The following REEP4 variants were observed in gnomAD, a reference collection of about 807,000 sequenced individuals.
REEP4 encodes receptor expression-enhancing protein 4.
REEP4 carries 17 observed loss-of-function variants against 33.5 expected under a neutral mutation model. The observed-to-expected ratio is 0.51, with a 90% confidence interval of 0.35 to 0.76. REEP4 has a LOEUF of 0.76. REEP4 is among the 30% of genes least tolerant of loss of function. The pLI, the probability that REEP4 is intolerant of heterozygous loss-of-function variation, is 0.01. For synonymous variants in REEP4, 157 were observed against 142.9 expected (o/e 1.10, Z -0.70); for missense variants, 340 against 357.9 (o/e 0.95, Z 0.40).
chr8:22,138,535 C>T lies in REEP4; in HGVS notation c.726G>A (p.Leu242=), dbSNP rs1260213997. 7 of 1,613,830 alleles carry T rather than the reference C, an allele frequency of 4.3e-6. No individual in the cohort carries two copies. The highest frequency in any genetic ancestry group is 5.9e-6 in the Non-Finnish European group (7 of 1,180,034). The stretch of plus-strand genomic sequence containing the variant: ...CAGTCTTTTTCCTCGTCCGAACCTT[C>T]AGGGAGCGCGAGGTGCCCTGGGGAA... ...PPVREGTSRS[L]KVRTRKKTVP... Residue 242 remains leucine (L), a synonymous_variant, in exon 8 of 8, where the codon CTG becomes CTA. Transcript: ENST00000306306.
At position 22,141,740 on chromosome 8, in the gene REEP4, G is replaced by A. The variant is rs1053246528; in HGVS notation, c.-258C>T. ...GGGAGCGGGCGCGCCCCGCGGCCGG[G>A]GCAGTTACAGCTCCCACCCGCCCTT... On this transcript the variant is annotated 5_prime_UTR_variant, in exon 1 of 8. Coordinates refer to ENST00000306306, the MANE Select transcript of REEP4 (RefSeq NM_025232.4). 1.4e-5 allele frequency: 6 copies of A among 417,756 alleles called. No individual in the cohort carries two copies. Among genetic ancestry groups the A allele is most frequent in the African/African-American group, 1.0e-4 (5 of 48,446 alleles). 25.9% of individuals were successfully genotyped at this position (417,756 alleles called of 1,614,324 possible). A position where few individuals can be genotyped will look rare whatever the true frequency, so the allele number is the denominator to read the frequency against.
intron 3 of REEP4, 35 bp from the exon 4 acceptor site, chr8:22,140,118 G>A (rs749009022): frequency 5.0e-6 from 8 of 1,614,048 alleles, no homozygotes; most frequent in Non-Finnish European, 6.8e-6. Flanking sequence ...GAGCCAAGGA[G>A]CAGGGCTGGG....
chr8:22,139,270 C>T, intron 5 of REEP4, 146 bp downstream of exon 5: 1 of 927,994 alleles, frequency 1.1e-6, no homozygotes, highest in Non-Finnish European at 1.7e-6. Flanking sequence ...GACTCCAGCT[C>T]CACGCTTCTG....
Position 22,141,783 on chromosome 8 carries a change from G to A in REEP4, c.-301C>T, listed in dbSNP as rs1415639681. The A allele has an allele frequency of 2.7e-6, 1 of 371,422 alleles. No individual in the cohort carries two copies. Among genetic ancestry groups the A allele is most frequent in the East Asian group, 4.2e-5 (1 of 24,060 alleles). The allele number at this position is 371,422 out of a possible 1,614,324, so 23.0% of individuals were successfully genotyped here. On this transcript the variant is annotated 5_prime_UTR_variant, in exon 1 of 8. Transcript: ENST00000306306. ...CCGCCCTTTCTGCCGCGGAGAACCT[G>A]GCGCTCGGCCCTTGCTGCTGGTCCC...
chr8:22,139,963 C>G lies in REEP4; in HGVS notation c.303G>C (p.Lys101Asn). The change falls in exon 4 of 8, where the codon AAG becomes AAC. Residue 101 changes from lysine (K) to asparagine (N), a missense_variant and splice_region_variant. Physicochemically the swap from Lys to Asn is moderately conservative, Grantham distance 94. Coordinates refer to ENST00000306306, the MANE Select transcript of REEP4 (RefSeq NM_025232.4). ...CCCTTCCCGCTTCCCCCTGGGGTAC[C>G]TTCTCATGGCGGGACAGGGACGGGT... ...FVHPSLSRHE[K>N]EIDAYIVQAK... 2 of 1,587,862 alleles carry G rather than the reference C, an allele frequency of 1.3e-6. No individual in the cohort carries two copies. The highest frequency in any genetic ancestry group is 8.6e-7 in the Non-Finnish European group (1 of 1,166,110).
intron 4 of REEP4, 114 bp downstream of exon 4, chr8:22,139,849 T>C (rs1023760698): frequency 4.6e-6 from 6 of 1,311,940 alleles, no homozygotes; most frequent in South Asian, 2.8e-5. Flanking sequence ...TGCCCCTCAA[T>C]AGCAGCAGGA....
rs1022590081 is a variant in REEP4 at position 22,139,564 on chromosome 8, C to T, written c.304-35G>A. On this transcript the variant is annotated intron_variant, in intron 4 of 7. Transcript: ENST00000306306. ...CAATGGGGAGGAGAGCTCAGGTGGA[C>T]AGCCAGAGTCCCTCTTCCTCTGCAG... 2.0e-6 allele frequency: 3 copies of T among 1,500,950 alleles called. No individual in the cohort carries two copies. In the Admixed American group the frequency reaches 5.4e-5, roughly 27 times the overall value. 93.0% of individuals were successfully genotyped at this position (1,500,950 alleles called of 1,614,324 possible). A position where few individuals can be genotyped will look rare whatever the true frequency, so the allele number is the denominator to read the frequency against.
intron 5 of REEP4, 142 bp from the exon 6 acceptor site, chr8:22,139,203 A>G (rs1210279904): frequency 6.6e-6 from 8 of 1,204,810 alleles, no homozygotes; most frequent in Non-Finnish European, 9.5e-6. Flanking sequence ...AGGAAACCAA[A>G]GTCAGAGAGC....
rs749573650 is a variant in REEP4 at position 22,138,498 on chromosome 8, C to T, written c.763G>A (p.Val255Met). 33 of 1,613,700 alleles carry T rather than the reference C, an allele frequency of 2.0e-5. No individual in the cohort carries two copies. Among genetic ancestry groups the T allele is most frequent in the Middle Eastern group, 1.6e-4 (1 of 6,062 alleles). ...RTRKKTVPSD[V>M]DS Reference sequence around the variant, plus strand: ...AGATGCAGCAGACCCTAGCTGTCCACGTCTGAGGGCACAGTCTTTTTCCTC... The same window carrying T: ...AGATGCAGCAGACCCTAGCTGTCCATGTCTGAGGGCACAGTCTTTTTCCTC... Residue 255 changes from valine to methionine, a missense_variant, in exon 8 of 8, where the codon GTG becomes ATG. Coordinates refer to ENST00000306306, the MANE Select transcript of REEP4 (RefSeq NM_025232.4).
At position 22,138,954 on chromosome 8, in the gene REEP4, G is replaced by A. The variant is rs767591757; in HGVS notation, c.525C>T (p.Asp175=). Reference sequence around the variant, plus strand: ...TGGGTGGCCTCCGGTGGGACACCTGGTCCTCCAGGTAGAGGGGGTCATGGT... The same window carrying A: ...TGGGTGGCCTCCGGTGGGACACCTGATCCTCCAGGTAGAGGGGGTCATGGT... ...PAYHDPLYLE[D]QVSHRRPPIG... The change falls in exon 6 of 8, where the codon GAC becomes GAT. Residue 175 remains aspartate, a synonymous_variant. Coordinates refer to ENST00000306306, the MANE Select transcript of REEP4 (RefSeq NM_025232.4). The A allele has an allele frequency of 2.5e-6, 4 of 1,602,576 alleles. No individual in the cohort carries two copies. Among genetic ancestry groups the A allele is most frequent in the Middle Eastern group, 3.3e-4 (2 of 6,016 alleles).
intron 1 of REEP4, among the ~76,000 whole-genome samples, chr8:22,141,136 C>T (rs535912482): frequency 3.3e-5 from 5 of 152,388 alleles, no homozygotes; most frequent in East Asian, 1.9e-4. Context: ...CTGGATTCTC[C>T]GCCCACAACG....
At chr8:22,139,099 AG>A in intron 5 of REEP4, 38 bp from the exon 6 acceptor site, 4 of 1,562,086 alleles carry the variant, frequency 2.6e-6, no homozygotes, top group Non-Finnish European at 3.5e-6. Context: ...GAGGCTGCCC[AG>A]GGATATTGGC....
At chr8:22,140,278 G>T in intron 2 of REEP4, 30 bp from the exon 3 acceptor site, 1 of 1,611,086 alleles carries the variant, frequency 6.2e-7, no homozygotes, top group Non-Finnish European at 8.5e-7. Context: ...AGGTCAGCAT[G>T]GGGCCTGCAG....
At chr8:22,140,552 G>A (rs1465107730) in intron 2 of REEP4, 73 bp downstream of exon 2, 6 of 1,316,770 alleles carry the variant, frequency 4.6e-6, no homozygotes, top group Non-Finnish European at 6.5e-6. Flanking sequence ...TGCCCCTGGA[G>A]GAGGGAGAGG....
intron 4 of REEP4, 153 bp from the exon 5 acceptor site, chr8:22,139,682 A>C: frequency 1.4e-6 from 1 of 715,318 alleles, no homozygotes; most frequent in Non-Finnish European, 2.3e-6. Flanking sequence ...ACACAGACCA[A>C]GAGCAGGGCT....
intron 4 of REEP4, 98 bp from the exon 5 acceptor site, chr8:22,139,627 AGCCCAGCCCCACCTGGT>A: frequency 9.7e-7 from 1 of 1,028,094 alleles, no homozygotes; most frequent in Non-Finnish European, 1.4e-6. Flanking sequence ...CACCCAGCCC[AGCCCAGCCCCACCTGGT>A]GCCCAGAGCC....
intron 1 of REEP4, 122 bp downstream of exon 1, chr8:22,141,329 T>C (rs969134365): frequency 2.4e-5 from 29 of 1,199,730 alleles, no homozygotes; most frequent in Non-Finnish European, 3.3e-5. Context: ...CGTTAACCCT[T>C]GCATGGAGTG....
chr8:22,139,755 C>A, intron 4 of REEP4: 1 of 737,998 alleles, frequency 1.4e-6, no homozygotes, highest in Non-Finnish European at 2.2e-6. Context: ...ACCCCCAAAC[C>A]AATTTCCATC....
chr8:22,138,911 C>A lies in REEP4; in HGVS notation c.553+15G>T. On this transcript the variant is annotated intron_variant, in intron 6 of 7. Coordinates refer to ENST00000306306, the MANE Select transcript of REEP4 (RefSeq NM_025232.4). ...ATCCCTCCTGGCATGGCTCTGGGCC[C>A]CTCTGCCCGCTCACCAATGGGTGGC... The A allele has an allele frequency of 4.5e-6, 7 of 1,567,104 alleles. No individual in the cohort carries two copies. Among genetic ancestry groups the A allele is most frequent in the Non-Finnish European group, 6.0e-6 (7 of 1,160,446 alleles).
Sources: allele counts gnomAD v4.1 joint callset (sites outside exome capture counted in the v4.1 genomes callset), GRCh38; gene constraint gnomAD v4.1.1; transcripts MANE v1.5; gene names NCBI Gene and HGNC (gene_info 2026-07-23, HGNC 2026-07-21).